POLK: variants seen among roughly 807,000 people sequenced by gnomAD.
POLK encodes polymerase (DNA directed) kappa.
POLK carries 76 observed loss-of-function variants against 94.0 expected under a neutral mutation model. The observed-to-expected ratio is 0.81, with a 90% CI of 0.67 to 0.98. POLK has a LOEUF of 0.98. Ranked by LOEUF, POLK falls within the 50% of genes least tolerant of loss-of-function variation. The pLI is 0.00. For synonymous variants in POLK, 349 were observed against 325.4 expected, an observed-to-expected ratio of 1.07 and a Z score of -0.78; for missense variants, 954 against 1,010.1, an observed-to-expected ratio of 0.94 and a Z score of 0.75.
At position 75,596,584 on chromosome 5, in the gene POLK, C is replaced by G. The variant is rs1773101317; in HGVS notation, c.1891C>G (p.Gln631Glu). The stretch of plus-strand genomic sequence containing the variant: ...TACCTGTCCTGTTTGCTTTAGGGCT[C>G]AAGGGTGCATCAGTCTGGAAGCCTT... The change falls in exon 13 of 15, where the codon CAA (glutamine) becomes GAA (glutamate). Residue 631 changes from glutamine (Q) to glutamate (E), a missense_variant. Gln to Glu is a conservative substitution (Grantham distance 29). Transcript: ENST00000241436. 1.9e-6 allele frequency: 3 copies of G among 1,613,826 alleles called. No individual in the cohort carries two copies. The East Asian group carries it at 6.7e-5, about 36-fold the overall frequency.
intron 9 of POLK, among the ~76,000 whole-genome samples, 169 bp from the exon 10 acceptor site, chr5:75,586,857 C>A (rs1294809819): frequency 4.0e-5 from 6 of 151,788 alleles, no homozygotes; most frequent in Admixed American, 3.9e-4. Flanking sequence ...TCTTACCTAC[C>A]TATGTTCTTT....
chr5:75,525,876 G>A (rs956219165), intron 1 of POLK, among the ~76,000 whole-genome samples: 10 of 152,178 alleles, frequency 6.6e-5, no homozygotes, highest in African/African-American at 1.9e-4. Context: ...TGCGGGCTCC[G>A]GAGACAGAAT....
intron 6 of POLK, 140 bp downstream of exon 6, chr5:75,577,073 A>G (rs1771923427): frequency 2.3e-6 from 1 of 440,362 alleles, no homozygotes; most frequent in African/African-American, 2.0e-5. Flanking sequence ...GTAAAATCAG[A>G]AAATTTTAAA....
At chr5:75,560,112 T>C (rs1770891380) in intron 3 of POLK, among the ~76,000 whole-genome samples, 1 of 152,234 alleles carries the variant, frequency 6.6e-6, no homozygotes, top group South Asian at 2.1e-4. Flanking sequence ...TTTCAGTGTT[T>C]AGTGCTAACA....
chr5:75,578,623 T>C (rs1039604601), intron 6 of POLK, among the ~76,000 whole-genome samples: 3 of 152,244 alleles, frequency 2.0e-5, no homozygotes, highest in African/African-American at 7.2e-5. Flanking sequence ...TGTAAATACC[T>C]GTGGGCTGGA....
intron 1 of POLK, among the ~76,000 whole-genome samples, chr5:75,515,737 G>A (rs1768291719): frequency 6.6e-6 from 1 of 152,112 alleles, no homozygotes; most frequent in African/African-American, 2.4e-5. Flanking sequence ...GTGTAGCAGG[G>A]TTCCCCTTTC....
the POLK span, among the ~76,000 whole-genome samples, chr5:75,607,373 C>G: frequency 1.3e-5 from 2 of 149,566 alleles, no homozygotes; most frequent in Non-Finnish European, 2.9e-5. Flanking sequence ...GAGGCTGAGG[C>G]AAGAGAATCG....
At chr5:75,593,365 C>T (rs1034004257) in intron 11 of POLK, among the ~76,000 whole-genome samples, 2 of 152,096 alleles carry the variant, frequency 1.3e-5, no homozygotes, top group East Asian at 3.9e-4. Flanking sequence ...CTCCTGACCT[C>T]GTGATCCGCC....
At chr5:75,547,294 A>G (rs1366144532) in intron 2 of POLK, 137 bp downstream of exon 2, 13 of 298,772 alleles carry the variant, frequency 4.4e-5, no homozygotes, top group Admixed American at 1.6e-4. Flanking sequence ...ACAAAAGGGT[A>G]TGGAATAATC....
At chr5:75,527,542 A>ACACAC (rs1561336068) in intron 1 of POLK, among the ~76,000 whole-genome samples, 20 of 133,428 alleles carry the variant, frequency 1.5e-4, no homozygotes, top group African/African-American at 6.0e-4. Context: ...CACACACACA[A>ACACAC]GTACGTGTGT....
At chr5:75,561,746 C>T (rs369975349) in intron 3 of POLK, among the ~76,000 whole-genome samples, 5 of 152,148 alleles carry the variant, frequency 3.3e-5, no homozygotes, top group African/African-American at 9.7e-5. Context: ...TTTCCCAACA[C>T]CATTTATTAA....
At chr5:75,574,462 A>G (rs5744642) in intron 5 of POLK, among the ~76,000 whole-genome samples, 2,178 of 152,242 alleles carry the variant, frequency 0.014, 46 homozygotes, top group African/African-American at 0.048. Context: ...CATTTTTTCT[A>G]TTTTTTATGA....
intron 1 of POLK, among the ~76,000 whole-genome samples, chr5:75,532,313 T>C (rs1437925424): frequency 6.6e-6 from 1 of 152,326 alleles, no homozygotes; most frequent in South Asian, 2.1e-4. Context: ...CTGCCACTTA[T>C]AAATGAGAAC....
chr5:75,521,119 C>G (rs5744552), intron 1 of POLK, among the ~76,000 whole-genome samples: 82,849 of 151,872 alleles, frequency 0.55, 25,762 homozygotes, highest in African/African-American at 0.87. Context: ...CAAATCTGTT[C>G]GTGTTCTCTG....
chr5:75,556,023 AAGG>A (rs932358448), intron 3 of POLK, among the ~76,000 whole-genome samples: 1 of 152,218 alleles, frequency 6.6e-6, no homozygotes, highest in Non-Finnish European at 1.5e-5. Context: ...GGTAAATACT[AAGG>A]AGCGCAATTG....
intron 3 of POLK, 119 bp downstream of exon 3, chr5:75,552,710 G>T (rs953161883): frequency 9.6e-7 from 1 of 1,037,492 alleles, no homozygotes; most frequent in Non-Finnish European, 1.4e-6. Context: ...ATATTGTAAA[G>T]CATACATATT....
chr5:75,546,592 C>T (rs1038275050), intron 1 of POLK, among the ~76,000 whole-genome samples: 15 of 151,910 alleles, frequency 9.9e-5, no homozygotes, highest in East Asian at 3.9e-4. Context: ...TGATGCATAA[C>T]GGATGTACAT....
downstream of POLK, among the ~76,000 whole-genome samples, chr5:75,605,895 G>C (rs549691849): frequency 6.6e-6 from 1 of 150,804 alleles, no homozygotes; most frequent in East Asian, 2.0e-4. Context: ...CGAGAGATTT[G>C]GAAAAGAAAA....
At chr5:75,605,844 G>GTT (rs1773410830), downstream of POLK, among the ~76,000 whole-genome samples, 1 of 152,040 alleles carries the variant, frequency 6.6e-6, no homozygotes, top group Non-Finnish European at 1.5e-5. Flanking sequence ...GTAGGGGTGG[G>GTT]TTGCCCCTAC....
Sources: allele counts gnomAD v4.1 joint callset (sites outside exome capture counted in the v4.1 genomes callset), GRCh38; gene constraint gnomAD v4.1.1; transcripts MANE v1.5; gene names NCBI Gene and HGNC (gene_info 2026-07-23, HGNC 2026-07-21).